PCDHA5: variants seen among roughly 807,000 people sequenced by gnomAD.
PCDHA5 encodes protocadherin alpha-5.
Under a neutral mutation model 61.6 loss-of-function variants are expected in PCDHA5, and 43 were observed. The observed-to-expected ratio is 0.70, with a 90% confidence interval of 0.55 to 0.90. PCDHA5 has a LOEUF of 0.90. PCDHA5 is among the 40% of genes least tolerant of loss of function. The pLI is 0.00. For missense variants in PCDHA5, 1,298 were observed against 1,222.7 expected, an observed-to-expected ratio of 1.06 and a Z score of -0.92; for synonymous variants, 627 against 543.9, an observed-to-expected ratio of 1.15 and a Z score of -2.13.
At chr5:140,970,753 C>T (rs1282500516) in intron 1 of PCDHA5, among the ~76,000 whole-genome samples, 1 of 152,176 alleles carries the variant, frequency 6.6e-6, no homozygotes, top group Non-Finnish European at 1.5e-5. Context: ...AATATATTTT[C>T]ATTGACATAT....
At chr5:140,962,170 C>T (rs1326323755) in intron 1 of PCDHA5, among the ~76,000 whole-genome samples, 6 of 152,194 alleles carry the variant, frequency 3.9e-5, no homozygotes, top group South Asian at 4.1e-4. Context: ...CCACCACACC[C>T]GGCCACTTAT....
At chr5:140,936,043 C>A (rs1246569956) in intron 1 of PCDHA5, among the ~76,000 whole-genome samples, 1 of 152,038 alleles carries the variant, frequency 6.6e-6, no homozygotes, top group Non-Finnish European at 1.5e-5. Context: ...CAGGCACCCA[C>A]CACCACACCC....
chr5:140,841,171 G>T, intron 1 of PCDHA5: 2 of 993,678 alleles, frequency 2.0e-6, no homozygotes, highest in Admixed American at 2.8e-5. Context: ...AGTTCTGGTT[G>T]GTCAATGTTC....
chr5:140,848,851 T>C lies in PCDHA5; in HGVS notation c.2352+24724T>C, dbSNP rs2150422604. ...GACAGGCCGCTGCAGGTTTTCCATG[T>C]GGACGTGGAGGTGAAGGACATTAAC... is the stretch of plus-strand genomic sequence containing the variant. On this transcript the variant is annotated intron_variant, in intron 1 of 3. Coordinates refer to ENST00000529859, the MANE Select transcript of PCDHA5 (RefSeq NM_018908.3). 2.7e-5 allele frequency: 43 copies of C among 1,590,598 alleles called. 4 individuals carry two copies. The Middle Eastern group carries it at 5.0e-4, about 19-fold the overall frequency.
intron 1 of PCDHA5, among the ~76,000 whole-genome samples, chr5:140,894,543 T>C (rs782418710): frequency 2.6e-5 from 4 of 152,088 alleles, no homozygotes; most frequent in Non-Finnish European, 4.4e-5. Flanking sequence ...TCTGGTTTAG[T>C]GTTTACTTCT....
chr5:140,904,555 C>CT (rs569725486), intron 1 of PCDHA5, among the ~76,000 whole-genome samples: 13 of 151,744 alleles, frequency 8.6e-5, no homozygotes, highest in Middle Eastern at 3.4e-3. Flanking sequence ...CATATAATGA[C>CT]TTTTTTTTCC....
At chr5:140,962,191 T>C (rs2095664022) in intron 1 of PCDHA5, among the ~76,000 whole-genome samples, 1 of 152,210 alleles carries the variant, frequency 6.6e-6, no homozygotes, top group African/African-American at 2.4e-5. Flanking sequence ...ATCACTTTTA[T>C]GCTTCCTATC....
intron 1 of PCDHA5, among the ~76,000 whole-genome samples, chr5:140,924,894 C>CAAAAAAA (rs782133089): frequency 2.8e-5 from 2 of 71,470 alleles, no homozygotes; most frequent in African/African-American, 8.5e-5. Flanking sequence ...GAACCTGTCT[C>CAAAAAAA]AAAAAAAAAA....
At chr5:140,927,760 A>G in intron 1 of PCDHA5, 1 of 1,614,206 alleles carries the variant, frequency 6.2e-7, no homozygotes, top group Non-Finnish European at 8.5e-7. Context: ...GCACCCTAAA[A>G]GTGGGGAGGT....
intron 1 of PCDHA5, among the ~76,000 whole-genome samples, chr5:140,873,452 C>A (rs147398020): frequency 6.4e-4 from 97 of 152,122 alleles, no homozygotes; most frequent in Non-Finnish European, 1.1e-3. Context: ...AACAAATTTG[C>A]ATTTTAGATA....
intron 1 of PCDHA5, among the ~76,000 whole-genome samples, chr5:140,901,988 T>C (rs892830479): frequency 6.6e-6 from 1 of 152,164 alleles, no homozygotes; most frequent in Admixed American, 6.6e-5. Context: ...TTTAATTTCA[T>C]TTTCAGATTG....
At chr5:140,850,791 A>C in intron 1 of PCDHA5, 1 of 1,598,378 alleles carries the variant, frequency 6.3e-7, no homozygotes, top group Non-Finnish European at 8.6e-7. Flanking sequence ...GGGTAAGCAG[A>C]AGACCGACCT....
At chr5:140,982,241 T>G in intron 2 of PCDHA5, 1 of 696,668 alleles carries the variant, frequency 1.4e-6, no homozygotes, top group South Asian at 3.3e-5. Context: ...AGAATTGCCA[T>G]AAAGATAGAA....
Position 140,841,614 on chromosome 5 carries a change from G to A in PCDHA5, c.2352+17487G>A, listed in dbSNP as rs144868773. On this transcript the variant is annotated intron_variant, in intron 1 of 3. Transcript: ENST00000529859. The stretch of plus-strand genomic sequence containing the variant: ...ATCGACCGCGAGGAGCTGTGCGGGC[G>A]GAGCGCGGAGTGCAGCATCCACCTG... 3,076 of 1,614,122 alleles carry A rather than the reference G, an allele frequency of 1.9e-3. 76 individuals carry two copies. The African/African-American group carries it at 0.036, about 19-fold the overall frequency.
chr5:140,854,000 CA>C (rs112540154), intron 1 of PCDHA5: 19,868 of 339,900 alleles, frequency 0.058, 122 homozygotes, highest in Non-Finnish European at 0.062. Context: ...TCATCTCTGC[CA>C]AAAAAAAAAA....
At chr5:140,875,684 A>T (rs1236163720) in intron 1 of PCDHA5, 1 of 1,613,854 alleles carries the variant, frequency 6.2e-7, no homozygotes, top group Non-Finnish European at 8.5e-7. Flanking sequence ...TCCAAAAGAC[A>T]CGGGGACCTT....
At chr5:140,901,941 T>C (rs1350790379) in intron 1 of PCDHA5, among the ~76,000 whole-genome samples, 3 of 152,110 alleles carry the variant, frequency 2.0e-5, no homozygotes, top group African/African-American at 7.2e-5. Flanking sequence ...CTAGGTATAT[T>C]TAGTTTTATT....
At chr5:140,973,263 A>G (rs1458697392) in intron 1 of PCDHA5, among the ~76,000 whole-genome samples, 1 of 152,136 alleles carries the variant, frequency 6.6e-6, no homozygotes, top group Admixed American at 6.5e-5. Flanking sequence ...AGTGGCACCT[A>G]CTTTTATTTC....
At chr5:140,841,904 GT>G (rs1777577070) in intron 1 of PCDHA5, 1 of 1,613,860 alleles carries the variant, frequency 6.2e-7, no homozygotes, top group East Asian at 2.2e-5. Flanking sequence ...GGTTGAGCTC[GT>G]ATTAAGAAAA....
Sources: gnomAD v4.1 joint callset for allele counts (sites outside exome capture counted in the v4.1 genomes callset) on GRCh38, gnomAD v4.1.1 for gene constraint, MANE v1.5 for transcripts, NCBI Gene and HGNC (gene_info 2026-07-23, HGNC 2026-07-21) for gene names.